CCDC148: variants seen among roughly 807,000 people sequenced by gnomAD.
The protein encoded by CCDC148 is coiled-coil domain-containing protein 148.
A neutral mutation model predicts 85.7 loss-of-function variants in CCDC148; 89 were observed. The observed-to-expected ratio is 1.04, with a 90% CI of 0.87 to 1.24. CCDC148 has a LOEUF of 1.24. Among genes scored for constraint, CCDC148 ranks in the 50% most tolerant of loss-of-function variants. The probability of loss-of-function intolerance (pLI) is 0.00; values close to 1 mark genes in which losing one functional copy is unlikely to be tolerated. For missense variants in CCDC148, 692 were observed against 671.7 expected (o/e 1.03, Z -0.33); for synonymous variants, 230 against 213.9 (o/e 1.08, Z -0.66).
At chr2:158,281,249 C>G (rs766483778) in intron 9 of CCDC148, among the ~76,000 whole-genome samples, 4 of 151,944 alleles carry the variant, frequency 2.6e-5, no homozygotes, top group Non-Finnish European at 4.4e-5. Flanking sequence ...CATTCAAAAG[C>G]TAGCAGAAGG....
intron 1 of CCDC148, among the ~76,000 whole-genome samples, chr2:158,383,234 T>A (rs1466791322): frequency 6.6e-6 from 1 of 152,028 alleles, no homozygotes; most frequent in Non-Finnish European, 1.5e-5. Flanking sequence ...GAAGAATCGC[T>A]TGAACCTGGG....
intron 1 of CCDC148, among the ~76,000 whole-genome samples, chr2:158,361,193 G>A (rs905033264): frequency 2.6e-5 from 4 of 151,790 alleles, no homozygotes; most frequent in African/African-American, 4.8e-5. Flanking sequence ...CCAAACCTAC[G>A]TTTGATAGGT....
intron 10 of CCDC148, among the ~76,000 whole-genome samples, chr2:158,232,599 C>T (rs559782818): frequency 6.6e-6 from 1 of 152,238 alleles, no homozygotes; most frequent in African/African-American, 2.4e-5. Flanking sequence ...TTATTTCACG[C>T]TTGTGTGATG....
chr2:158,387,654 C>A (rs368707280), intron 1 of CCDC148, among the ~76,000 whole-genome samples: 1 of 152,072 alleles, frequency 6.6e-6, no homozygotes, highest in Non-Finnish European at 1.5e-5. Context: ...TTCTGCCCCC[C>A]ACCCCATTGC....
chr2:158,287,286 C>T (rs924256047), intron 9 of CCDC148, among the ~76,000 whole-genome samples: 9 of 152,120 alleles, frequency 5.9e-5, no homozygotes, highest in Non-Finnish European at 1.2e-4. Context: ...TCCCAAATCT[C>T]ATATACTCAC....
intron 1 of CCDC148, among the ~76,000 whole-genome samples, chr2:158,414,919 C>G (rs1686426518): frequency 6.6e-6 from 1 of 152,194 alleles, no homozygotes; most frequent in African/African-American, 2.4e-5. Flanking sequence ...ACACTCCTTG[C>G]TTTCATTGAG....
At chr2:158,353,063 G>C (rs1268866134) in intron 2 of CCDC148, among the ~76,000 whole-genome samples, 2 of 151,606 alleles carry the variant, frequency 1.3e-5, no homozygotes, top group African/African-American at 4.9e-5. Flanking sequence ...CCCTAAAAGA[G>C]CTCCTGAAGG....
chr2:158,438,778 A>G (rs1687791515), intron 1 of CCDC148, among the ~76,000 whole-genome samples: 1 of 152,248 alleles, frequency 6.6e-6, no homozygotes, highest in Non-Finnish European at 1.5e-5. Context: ...CAAATTTACA[A>G]GAAAAAAACG....
chr2:158,398,027 A>C (rs1685606004), intron 1 of CCDC148, among the ~76,000 whole-genome samples: 1 of 152,212 alleles, frequency 6.6e-6, no homozygotes, highest in African/African-American at 2.4e-5. Context: ...AAAGAGACAA[A>C]GAAGGCCATT....
intron 10 of CCDC148, among the ~76,000 whole-genome samples, chr2:158,223,685 C>T (rs1419893060): frequency 1.3e-5 from 2 of 152,182 alleles, no homozygotes; most frequent in Admixed American, 6.6e-5. Flanking sequence ...TCTGCAGCCT[C>T]GTCTGCTGAT....
chr2:158,331,317 TTGAG>T (rs1479779124), intron 7 of CCDC148, among the ~76,000 whole-genome samples: 1 of 152,186 alleles, frequency 6.6e-6, no homozygotes, highest in Non-Finnish European at 1.5e-5. Context: ...TTGAGCAGTT[TTGAG>T]TGAGTTTCTT....
At chr2:158,253,197 A>G (rs951073408) in intron 9 of CCDC148, among the ~76,000 whole-genome samples, 1 of 151,778 alleles carries the variant, frequency 6.6e-6, no homozygotes, top group Non-Finnish European at 1.5e-5. Flanking sequence ...TCTTTCTGCC[A>G]GAAGTATTTA....
chr2:158,217,389 T>TAC (rs1558990271), intron 11 of CCDC148, among the ~76,000 whole-genome samples: 2 of 93,792 alleles, frequency 2.1e-5, no homozygotes, highest in African/African-American at 6.9e-5. Flanking sequence ...TATATATATA[T>TAC]ATATACACAC....
At position 158,187,990 on chromosome 2, in the gene CCDC148, T is replaced by C. The variant is rs986720946; in HGVS notation, c.1371-8994A>G. On this transcript the variant is annotated intron_variant, in intron 11 of 13. Coordinates refer to ENST00000283233, the MANE Select transcript of CCDC148 (RefSeq NM_138803.4). ...ATCTGAGTTGGGTATAAGTTTGACA[T>C]CTTCTTGTGCAAAGTTAGGAACCAA... Among the ~76,000 whole-genome samples the C allele has an allele frequency of 2.2e-4, 33 of 152,008 alleles. 1 individual carries two copies. In the Admixed American group the frequency reaches 2.2e-3, roughly 10 times the overall value.
intron 11 of CCDC148, among the ~76,000 whole-genome samples, chr2:158,179,321 G>C (rs1178493096): frequency 6.6e-6 from 1 of 151,734 alleles, no homozygotes. Flanking sequence ...ACCATGCCCA[G>C]CTAATTTTTG....
intron 1 of CCDC148, among the ~76,000 whole-genome samples, chr2:158,426,120 TAGGA>T (rs1687066444): frequency 6.6e-6 from 1 of 150,976 alleles, no homozygotes; most frequent in South Asian, 2.1e-4. Context: ...AAAACTGTGG[TAGGA>T]ACTATAGTTT....
chr2:158,307,654 A>C (rs1691760380), intron 9 of CCDC148, among the ~76,000 whole-genome samples: 1 of 152,228 alleles, frequency 6.6e-6, no homozygotes, highest in South Asian at 2.1e-4. Flanking sequence ...AAACGGCTCA[A>C]ATTTCTGTTA....
intron 11 of CCDC148, among the ~76,000 whole-genome samples, chr2:158,194,811 T>C (rs1364311018): frequency 6.6e-6 from 1 of 152,086 alleles, no homozygotes; most frequent in East Asian, 1.9e-4. Flanking sequence ...GTTCACTTGA[T>C]TTTTTATTTT....
At chr2:158,308,227 C>T (rs1039836689) in intron 9 of CCDC148, among the ~76,000 whole-genome samples, 1 of 152,138 alleles carries the variant, frequency 6.6e-6, no homozygotes, top group Non-Finnish European at 1.5e-5. Flanking sequence ...CAGTGCAATA[C>T]AATATAAGGA....
Sources: allele counts gnomAD v4.1 joint callset (sites outside exome capture counted in the v4.1 genomes callset), GRCh38; gene constraint gnomAD v4.1.1; transcripts MANE v1.5; gene names NCBI Gene and HGNC (gene_info 2026-07-23, HGNC 2026-07-21).